Variants in TESMIN observed in about 807,000 individuals in gnomAD.
TESMIN encodes CXC domain containing 2.
In TESMIN, 34 loss-of-function variants were observed where a neutral mutation model predicts 47.4. The ratio of observed to expected loss-of-function variants is 0.72; its 90% confidence interval spans 0.55 to 0.96. The LOEUF is 0.96. Ranked by LOEUF, TESMIN falls within the 40% of genes least tolerant of loss-of-function variation. The pLI, the probability that TESMIN is intolerant of heterozygous loss-of-function variation, is 0.00. For synonymous variants in TESMIN, 278 were observed against 258.9 expected, an observed-to-expected ratio of 1.07 and a Z score of -0.71; for missense variants, 610 against 637.2, an observed-to-expected ratio of 0.96 and a Z score of 0.46.
chr11:68,736,863 G>A, intron 6 of TESMIN: 1 of 983,192 alleles, frequency 1.0e-6, no homozygotes, highest in Non-Finnish European at 1.2e-6. Flanking sequence ...GGAAAAGGGG[G>A]AAAAGGAGAA....
chr11:68,738,783 C>CT lies in TESMIN; in HGVS notation c.833dup (p.Ala280SerfsTer30), dbSNP rs1359544569. On this transcript the variant is annotated frameshift_variant, in exon 6 of 10. Transcript: ENST00000255087. LOFTEE classifies it high-confidence loss of function. The stretch of plus-strand genomic sequence containing the variant: ...CGTTGACTACCGATGGTAAGGCTCC[C>CT]TCAAGCTGTTCAAAGTCAAAGGCAA... The CT allele has an allele frequency of 6.2e-7, 1 of 1,613,458 alleles. No homozygotes were observed. Among genetic ancestry groups the CT allele is most frequent in the Admixed American group, 1.7e-5 (1 of 60,016 alleles).
rs762870360 is a variant in TESMIN at position 68,710,925 on chromosome 11, T to C, written c.1283A>G (p.His428Arg). Residue 428 changes from histidine to arginine, a missense_variant, in exon 9 of 10, where the codon CAT (histidine) becomes CGT (arginine). Physicochemically the swap from His to Arg is conservative, Grantham distance 29 (BLOSUM62 0). Transcript: ENST00000255087. ...TGAAAATTTCGTTGGTGGCAGGTAA[T>C]GGCTGCCTTCCAAACCTCCAGTCTG... ...YMQTGGLEGS[H>R]YLPPTKFSGL... The C allele has an allele frequency of 1.9e-5, 30 of 1,614,118 alleles. No homozygotes were observed. The East Asian group carries it at 2.9e-4, about 16-fold the overall frequency.
At chr11:68,725,257 G>A (rs768449329) in intron 6 of TESMIN, among the ~76,000 whole-genome samples, 17 of 152,230 alleles carry the variant, frequency 1.1e-4, no homozygotes, top group South Asian at 2.1e-4. Flanking sequence ...TTAATTGTCC[G>A]TATGGAAAAA....
intron 6 of TESMIN, among the ~76,000 whole-genome samples, chr11:68,720,021 A>T (rs1946186564): frequency 6.6e-6 from 1 of 152,162 alleles, no homozygotes; most frequent in South Asian, 2.1e-4. Flanking sequence ...ACAAAAAGAA[A>T]ATCTCAAATG....
At chr11:68,710,786 T>G (rs1055551712) in intron 9 of TESMIN, 88 bp downstream of exon 9, 1 of 1,305,772 alleles carries the variant, frequency 7.7e-7, no homozygotes, top group Non-Finnish European at 1.1e-6. Context: ...GGCTCACACA[T>G]TCTTTCCAGT....
intron 8 of TESMIN, among the ~76,000 whole-genome samples, 171 bp from the exon 9 acceptor site, chr11:68,711,220 C>T (rs1037153698): frequency 2.7e-5 from 4 of 150,402 alleles, no homozygotes; most frequent in Non-Finnish European, 5.9e-5. Flanking sequence ...GTGTGTTGAA[C>T]GTGAGTGTGT....
chr11:68,706,639 A>AATGCTG, downstream of TESMIN, among the ~76,000 whole-genome samples: 1 of 152,240 alleles, frequency 6.6e-6, no homozygotes, highest in Non-Finnish European at 1.5e-5. Flanking sequence ...TGAGTACAAG[A>AATGCTG]CACCCTGCAT....
At chr11:68,741,894 G>A (rs1430940435) in intron 5 of TESMIN, among the ~76,000 whole-genome samples, 3 of 152,222 alleles carry the variant, frequency 2.0e-5, no homozygotes, top group African/African-American at 7.2e-5. Flanking sequence ...GGGAAAAAGA[G>A]CGTATTTGTC....
At chr11:68,736,326 C>G in intron 6 of TESMIN, 1 of 985,428 alleles carries the variant, frequency 1.0e-6, no homozygotes, top group Non-Finnish European at 1.2e-6. Flanking sequence ...GTTCACCCCC[C>G]AACCCTAACA....
intron 6 of TESMIN, among the ~76,000 whole-genome samples, chr11:68,719,169 A>C (rs1281938995): frequency 6.6e-6 from 1 of 152,200 alleles, no homozygotes; most frequent in Non-Finnish European, 1.5e-5. Flanking sequence ...GCTCAGGAAA[A>C]GCCTTCACGA....
intron 6 of TESMIN, among the ~76,000 whole-genome samples, chr11:68,731,782 C>T (rs956396933): frequency 6.6e-6 from 1 of 152,212 alleles, no homozygotes; most frequent in Non-Finnish European, 1.5e-5. Context: ...CTGCCACCAA[C>T]AGACCTCACT....
At chr11:68,743,299 T>C (rs1458201638) in intron 4 of TESMIN, among the ~76,000 whole-genome samples, 1 of 149,726 alleles carries the variant, frequency 6.7e-6, no homozygotes, top group East Asian at 2.0e-4. Flanking sequence ...AGTGCAGTAG[T>C]GCGATGTTGG....
intron 6 of TESMIN, among the ~76,000 whole-genome samples, chr11:68,717,382 C>A (rs1385469436): frequency 6.6e-6 from 1 of 152,108 alleles, no homozygotes; most frequent in African/African-American, 2.4e-5. Flanking sequence ...AGAGACCCCT[C>A]ATAAAGTGTG....
At chr11:68,736,109 G>C in intron 6 of TESMIN, 1 of 985,312 alleles carries the variant, frequency 1.0e-6, no homozygotes, top group African/African-American at 1.7e-5. Flanking sequence ...CTCATCTTTA[G>C]GAAAAAAATT....
At chr11:68,744,092 A>G (rs147377676) in intron 4 of TESMIN, among the ~76,000 whole-genome samples, 260 of 152,288 alleles carry the variant, frequency 1.7e-3, no homozygotes, top group African/African-American at 6.0e-3. Context: ...AAAAGAGTCA[A>G]TGTCTTGAGG....
At chr11:68,737,683 G>A in intron 6 of TESMIN, 3 of 980,546 alleles carry the variant, frequency 3.1e-6, no homozygotes, top group Non-Finnish European at 3.6e-6. Flanking sequence ...AGGCTGAGAT[G>A]GGCGGATCAT....
rs181813346 is a variant in TESMIN, at chr11:68,730,471, T to C, written c.917+8229A>G. 3.3e-5 allele frequency among the ~76,000 whole-genome samples: 5 copies of C among 152,348 alleles called. No individual in the cohort carries two copies. The East Asian group carries it at 7.7e-4, about 23-fold the overall frequency. On this transcript the variant is annotated intron_variant, in intron 6 of 9. Transcript: ENST00000255087. The stretch of plus-strand genomic sequence containing the variant: ...CAAAAATGATTAAGAAAGACATTTG[T>C]AACAGTGCTGGAAAGGTAGATGTTA...
chr11:68,731,744 G>A (rs1409658706), intron 6 of TESMIN, among the ~76,000 whole-genome samples: 1 of 152,206 alleles, frequency 6.6e-6, no homozygotes, highest in Non-Finnish European at 1.5e-5. Flanking sequence ...TGGCATGTAT[G>A]GAGAGACACC....
At chr11:68,744,919 A>T in intron 4 of TESMIN, 72 bp downstream of exon 4, 1 of 1,327,734 alleles carries the variant, frequency 7.5e-7, no homozygotes, top group Non-Finnish European at 1.0e-6. Flanking sequence ...TTCACTTTAT[A>T]TACAAAGCCA....
Sources: allele counts gnomAD v4.1 joint callset (sites outside exome capture counted in the v4.1 genomes callset), GRCh38; gene constraint gnomAD v4.1.1; transcripts MANE v1.5; gene names NCBI Gene and HGNC (gene_info 2026-07-23, HGNC 2026-07-21).